Variants in MSI2 observed in about 807,000 individuals in gnomAD.
The protein encoded by MSI2 is RNA-binding protein Musashi homolog 2.
A neutral mutation model predicts 45.6 loss-of-function variants in MSI2; 17 were observed. The observed-to-expected ratio is 0.37, with a 90% CI of 0.26 to 0.56. The LOEUF (loss-of-function observed/expected upper bound fraction) is 0.56. MSI2 is among the 20% of genes least tolerant of loss of function. MSI2 has a pLI of 0.77. For synonymous variants in MSI2, 156 were observed against 158.2 expected (o/e 0.99, Z 0.11); for missense variants, 293 against 444.2 (o/e 0.66, Z 3.06).
chr17:57,694,410 G>A, the MSI2 span, among the ~76,000 whole-genome samples: 1 of 152,018 alleles, frequency 6.6e-6, no homozygotes, highest in Non-Finnish European at 1.5e-5. Context: ...CTTGTCCCTG[G>A]GTGTTGTGAT....
rs74560713 is a variant in MSI2 at position 57,288,924 on chromosome 17, A to G, written c.312+26732A>G. ...CTCTACCCACTAGATGCCAGTAGCAATCCCTCCCTGGTTGTGACAGCTAGC... is the reference window on the plus strand; with the variant it reads ...CTCTACCCACTAGATGCCAGTAGCAGTCCCTCCCTGGTTGTGACAGCTAGC... On this transcript the variant is annotated intron_variant, in intron 5 of 13. Coordinates refer to ENST00000284073, the MANE Select transcript of MSI2 (RefSeq NM_138962.4). Among the ~76,000 whole-genome samples, 727 of 152,246 alleles carry G rather than the reference A, an allele frequency of 4.8e-3. 5 individuals carry two copies. The highest frequency in any genetic ancestry group is 7.2e-3 in the Non-Finnish European group (491 of 68,016).
intron 6 of MSI2, among the ~76,000 whole-genome samples, chr17:57,402,513 C>T (rs1051313511): frequency 2.6e-5 from 4 of 152,212 alleles, no homozygotes; most frequent in Admixed American, 1.3e-4. Context: ...GGGTGTCGTG[C>T]TTGCCATGGG....
intron 5 of MSI2, among the ~76,000 whole-genome samples, chr17:57,324,406 A>G (rs1043263900): frequency 1.3e-5 from 2 of 152,108 alleles, no homozygotes; most frequent in Non-Finnish European, 2.9e-5. Flanking sequence ...TCAGTCACAG[A>G]CACCTCTGAC....
chr17:57,591,971 G>A (rs1449566677), intron 7 of MSI2, among the ~76,000 whole-genome samples: 1 of 151,978 alleles, frequency 6.6e-6, no homozygotes, highest in Non-Finnish European at 1.5e-5. Context: ...TCAGGAGCTC[G>A]AGACCAGCCT....
chr17:57,270,791 C>A (rs1908288324), intron 5 of MSI2, among the ~76,000 whole-genome samples: 1 of 152,160 alleles, frequency 6.6e-6, no homozygotes, highest in South Asian at 2.1e-4. Context: ...GTCCCTGCCC[C>A]CATCATCAGG....
chr17:57,311,968 A>T (rs1214676271), intron 5 of MSI2, among the ~76,000 whole-genome samples: 2 of 152,162 alleles, frequency 1.3e-5, no homozygotes, highest in African/African-American at 4.8e-5. Context: ...AAAGCGCTGG[A>T]ATTACGGGCG....
intron 6 of MSI2, among the ~76,000 whole-genome samples, chr17:57,480,585 T>C (rs1598317033): frequency 1.3e-5 from 2 of 152,316 alleles, no homozygotes; most frequent in East Asian, 1.9e-4. Flanking sequence ...GATTGGATCA[T>C]GTGAGCAGGA....
At chr17:57,494,269 A>C in intron 6 of MSI2, among the ~76,000 whole-genome samples, 1 of 152,216 alleles carries the variant, frequency 6.6e-6, no homozygotes, top group East Asian at 1.9e-4. Context: ...TTTAAAGAGA[A>C]GGTAACATTA....
chr17:57,589,829 C>G (rs1370392278), intron 7 of MSI2, among the ~76,000 whole-genome samples: 1 of 152,224 alleles, frequency 6.6e-6, no homozygotes, highest in Non-Finnish European at 1.5e-5. Flanking sequence ...GGATGAGTCA[C>G]TGAACTGTGC....
intron 5 of MSI2, among the ~76,000 whole-genome samples, chr17:57,276,562 G>A (rs1490695338): frequency 6.6e-6 from 1 of 152,230 alleles, no homozygotes. Context: ...TAGAGGAGGG[G>A]ACAATTACTA....
At chr17:57,591,406 T>C (rs1866523969) in intron 7 of MSI2, among the ~76,000 whole-genome samples, 2 of 152,222 alleles carry the variant, frequency 1.3e-5, no homozygotes, top group African/African-American at 4.8e-5. Flanking sequence ...ATGCCACTTA[T>C]ATGAGAAAAT....
chr17:57,273,797 T>G (rs1908614983), intron 5 of MSI2, among the ~76,000 whole-genome samples: 1 of 152,226 alleles, frequency 6.6e-6, no homozygotes, highest in South Asian at 2.1e-4. Context: ...ACCTGGGTCT[T>G]TCCCCAAGCT....
At chr17:57,496,226 G>T (rs1197760885) in intron 6 of MSI2, among the ~76,000 whole-genome samples, 2 of 152,132 alleles carry the variant, frequency 1.3e-5, no homozygotes, top group African/African-American at 4.8e-5. Context: ...TGGATGCCAG[G>T]ATTCCCACCC....
At chr17:57,532,944 GGAGCTGTGTGACAT>G (rs911476349) in intron 7 of MSI2, among the ~76,000 whole-genome samples, 9 of 152,184 alleles carry the variant, frequency 5.9e-5, no homozygotes, top group South Asian at 2.1e-4. Context: ...GTGTGTCCTT[GGAGCTGTGTGACAT>G]GAGCTGTGTG....
chr17:57,692,714 G>GGTTTT, the MSI2 span, among the ~76,000 whole-genome samples: 73,303 of 150,986 alleles, frequency 0.49, 19,400 homozygotes, highest in African/African-American at 0.69. Flanking sequence ...TGTGTTGACA[G>GGTTTT]GTTTTGTTTT....
chr17:57,600,880 T>G (rs1905800926), intron 8 of MSI2: 1 of 152,248 alleles, frequency 6.6e-6, no homozygotes. Context: ...TTTCACTTAC[T>G]CTTTAATCAT....
At chr17:57,653,298 T>C (rs1344568248) in intron 11 of MSI2, among the ~76,000 whole-genome samples, 1 of 151,986 alleles carries the variant, frequency 6.6e-6, no homozygotes, top group Non-Finnish European at 1.5e-5. Context: ...AATCATCCCA[T>C]TGGGGTTTTG....
At chr17:57,258,968 T>G (rs1243538187) in intron 4 of MSI2, among the ~76,000 whole-genome samples, 3 of 152,126 alleles carry the variant, frequency 2.0e-5, no homozygotes, top group Admixed American at 2.0e-4. Context: ...CTTCCTTTTC[T>G]TTCTCAGATC....
At chr17:57,626,993 G>A (rs1164431254) in intron 9 of MSI2, 1 of 591,074 alleles carries the variant, frequency 1.7e-6, no homozygotes, top group Non-Finnish European at 3.0e-6. Flanking sequence ...AAAGTACATG[G>A]GCTTTGCGGG....
Sources: allele counts gnomAD v4.1 joint callset (sites outside exome capture counted in the v4.1 genomes callset), GRCh38; gene constraint gnomAD v4.1.1; transcripts MANE v1.5; gene names NCBI Gene and HGNC (gene_info 2026-07-23, HGNC 2026-07-21).